Variants in ITIH5 observed in about 807,000 individuals in gnomAD.
ITIH5 encodes inter-alpha-trypsin inhibitor heavy chain 5.
ITIH5 carries 65 observed loss-of-function variants against 77.5 expected under a neutral mutation model. The ratio of observed to expected loss-of-function variants is 0.84; its 90% CI spans 0.69 to 1.03. The LOEUF is 1.03. Ranked by LOEUF, ITIH5 falls within the 50% of genes least tolerant of loss-of-function variation. ITIH5 has a pLI of 0.00. For missense variants in ITIH5, 1,208 were observed against 1,213.1 expected, an observed-to-expected ratio of 1.00 and a Z score of 0.06; for synonymous variants, 525 against 494.3, an observed-to-expected ratio of 1.06 and a Z score of -0.82.
rs768688712 is a variant in ITIH5, at chr10:7,566,260, T to C, written c.2297A>G (p.Asp766Gly). 3.7e-6 allele frequency: 6 copies of C among 1,613,268 alleles called. No homozygotes were observed. The highest frequency in any genetic ancestry group is 8.5e-7 in the Non-Finnish European group (1 of 1,179,702). Reference protein sequence around the residue: ...LEITPSRVILDGGDRLVLPCN... With the variant: ...LEITPSRVILGGGDRLVLPCN... ...GGGGAGCACCAGTCTGTCCCCACCATCCAAGATGACTCTGCTCGGTGTGAT... is the reference window on the plus strand; with the variant it reads ...GGGGAGCACCAGTCTGTCCCCACCACCCAAGATGACTCTGCTCGGTGTGAT... The change falls in exon 13 of 14, where the codon GAT becomes GGT. Residue 766 changes from aspartate to glycine, a missense_variant. By Grantham distance (94) the Asp-to-Gly change is moderately conservative. Coordinates refer to ENST00000397146, the MANE Select transcript of ITIH5 (RefSeq NM_030569.7).
intron 10 of ITIH5, among the ~76,000 whole-genome samples, chr10:7,575,830 C>T (rs901029018): frequency 2.6e-5 from 4 of 152,278 alleles, no homozygotes; most frequent in South Asian, 2.1e-4. Flanking sequence ...TCAGTGCTTC[C>T]GCCCATGCCT....
chr10:7,589,716 G>A (rs543658972), intron 7 of ITIH5, among the ~76,000 whole-genome samples: 21 of 151,836 alleles, frequency 1.4e-4, no homozygotes, highest in Admixed American at 6.6e-4. Flanking sequence ...GCGGTTTCCC[G>A]TCCTCTCCCA....
Position 7,573,209 on chromosome 10 carries a change from G to A in ITIH5, c.1979-14C>T, listed in dbSNP as rs372985908. On this transcript the variant is annotated splice_polypyrimidine_tract_variant and intron_variant, in intron 10 of 13. Coordinates refer to ENST00000397146, the MANE Select transcript of ITIH5 (RefSeq NM_030569.7). ...TGAGCAAAGGTCCTAAAAGGGAGAA[G>A]GAAGAGAACATCATGGTCATTCCTT... 8 of 1,608,194 alleles carry A rather than the reference G, an allele frequency of 5.0e-6. No individual in the cohort carries two copies. The highest frequency in any genetic ancestry group is 6.8e-6 in the Non-Finnish European group (8 of 1,174,778).
chr10:7,637,036 G>A lies in ITIH5; in HGVS notation c.652+192C>T, dbSNP rs191884610. 5.8e-3 allele frequency among the ~76,000 whole-genome samples: 882 copies of A among 152,144 alleles called. 7 individuals are homozygous for A. The highest frequency in any genetic ancestry group is 0.02 in the African/African-American group (832 of 41,488). On this transcript the variant is annotated intron_variant, in intron 5 of 13. Transcript: ENST00000397146. ...ACTGCACTCTAGCCTGGCGACAGAG[G>A]ACTTCGTCTCAAAAAAAAAGAAAAA...
At chr10:7,610,347 G>C (rs1833219610) in intron 7 of ITIH5, among the ~76,000 whole-genome samples, 1 of 152,084 alleles carries the variant, frequency 6.6e-6, no homozygotes, top group East Asian at 1.9e-4. Context: ...ACACAGCTTT[G>C]GGGGCTCCCC....
At chr10:7,644,564 A>G (rs573998494) in intron 2 of ITIH5, among the ~76,000 whole-genome samples, 46 of 135,768 alleles carry the variant, frequency 3.4e-4, no homozygotes, top group East Asian at 1.9e-3. Context: ...TCACATATAT[A>G]TGATATATAT....
intron 7 of ITIH5, among the ~76,000 whole-genome samples, chr10:7,589,141 C>T (rs1227970692): frequency 2.0e-5 from 3 of 152,306 alleles, no homozygotes; most frequent in East Asian, 3.9e-4. Context: ...CTAATGTATC[C>T]ATCTCCTGTA....
intron 7 of ITIH5, among the ~76,000 whole-genome samples, chr10:7,589,769 G>T (rs1832755911): frequency 6.6e-6 from 1 of 151,892 alleles, no homozygotes; most frequent in South Asian, 2.1e-4. Flanking sequence ...AGTATCCCAT[G>T]CAAATAAACA....
rs1345819874 is a variant in ITIH5 at position 7,559,809 on chromosome 10, G to A, written c.*3274C>T. Reference sequence around the variant, plus strand: ...GGCCATCTTCTCATCGTATCCCCAGGTGGTGGAGAGGAAAAACACCATCTC... The same window carrying A: ...GGCCATCTTCTCATCGTATCCCCAGATGGTGGAGAGGAAAAACACCATCTC... On this transcript the variant is annotated 3_prime_UTR_variant, in exon 14 of 14. Coordinates refer to ENST00000397146, the MANE Select transcript of ITIH5 (RefSeq NM_030569.7). 2.2e-6 allele frequency: 1 copy of A among 455,706 alleles called. No individual in the cohort carries two copies. The highest frequency in any genetic ancestry group is 4.4e-6 in the Non-Finnish European group (1 of 226,706). 28.2% of individuals were successfully genotyped at this position (455,706 alleles called of 1,614,324 possible). A position where few individuals can be genotyped will look rare whatever the true frequency, so the allele number is the denominator to read the frequency against.
Position 7,637,475 on chromosome 10 carries a change from C to T in ITIH5, c.405G>A (p.Glu135=), listed in dbSNP as rs749252937. The T allele has an allele frequency of 4.3e-6, 7 of 1,613,502 alleles. No individual in the cohort carries two copies. Among genetic ancestry groups the T allele is most frequent in the Non-Finnish European group, 5.9e-6 (7 of 1,179,922 alleles). The change falls in exon 5 of 14, where the codon GAG becomes GAA. Residue 135 remains glutamate, a synonymous_variant. Coordinates refer to ENST00000397146, the MANE Select transcript of ITIH5 (RefSeq NM_030569.7). ...KRNKTTEENG[E]KGTEIFRASA... ...AAGCTCTGAATATTTCAGTCCCCTT[C>T]TCTCTGTCAGGAAAAAGGAAAAGGA...
chr10:7,624,329 G>C (rs1399446291), intron 5 of ITIH5, among the ~76,000 whole-genome samples: 1 of 151,492 alleles, frequency 6.6e-6, no homozygotes, highest in Non-Finnish European at 1.5e-5. Flanking sequence ...CCAACATGGA[G>C]AAACCCCGTC....
In ITIH5 at chr10:7,573,976, C is replaced by T. The variant is rs369945193; in HGVS notation, c.1979-781G>A. On this transcript the variant is annotated intron_variant, in intron 10 of 13. Transcript: ENST00000397146. ...CATCGCTTACCAGCATTGAACTGTA[C>T]GCTTAAAAATGGGTAAGGTGGTAAA... Among the ~76,000 whole-genome samples, 673 of 152,040 alleles carry T rather than the reference C, an allele frequency of 4.4e-3. 3 individuals are homozygous for T. The highest frequency in any genetic ancestry group is 0.011 in the African/African-American group (445 of 41,460).
At chr10:7,604,355 C>G (rs895505205) in intron 7 of ITIH5, among the ~76,000 whole-genome samples, 4 of 152,186 alleles carry the variant, frequency 2.6e-5, no homozygotes, top group Non-Finnish European at 5.9e-5. Flanking sequence ...CCCCCCACCT[C>G]AGAGCGCCCA....
At chr10:7,650,418 C>A (rs1337601153) in intron 2 of ITIH5, among the ~76,000 whole-genome samples, 2 of 152,108 alleles carry the variant, frequency 1.3e-5, no homozygotes, top group Non-Finnish European at 2.9e-5. Flanking sequence ...CTCTACTAAC[C>A]CTTAATGCTT....
At chr10:7,571,022 T>A (rs1319523049) in intron 11 of ITIH5, among the ~76,000 whole-genome samples, 1 of 152,170 alleles carries the variant, frequency 6.6e-6, no homozygotes, top group Non-Finnish European at 1.5e-5. Flanking sequence ...AGTCCACTCT[T>A]TTTAAGCTGC....
chr10:7,629,049 G>A (rs1444271935), intron 5 of ITIH5, among the ~76,000 whole-genome samples: 38 of 132,372 alleles, frequency 2.9e-4, no homozygotes, highest in East Asian at 1.1e-3. Context: ...TGTAGCGTGT[G>A]TCCATGTTGT....
intron 7 of ITIH5, among the ~76,000 whole-genome samples, chr10:7,589,712 TC>T (rs1265994829): frequency 1.3e-5 from 2 of 151,864 alleles, no homozygotes; most frequent in African/African-American, 2.4e-5. Flanking sequence ...TGCAGCGGTT[TC>T]CCGTCCTCTC....
At chr10:7,577,420 T>C (rs1832448026) in intron 9 of ITIH5, among the ~76,000 whole-genome samples, 1 of 152,198 alleles carries the variant, frequency 6.6e-6, no homozygotes, top group Non-Finnish European at 1.5e-5. Context: ...GCCCAGTCAA[T>C]CCCCAGTTTC....
At chr10:7,594,600 C>A (rs915215056) in intron 7 of ITIH5, among the ~76,000 whole-genome samples, 1 of 147,574 alleles carries the variant, frequency 6.8e-6, no homozygotes, top group African/African-American at 2.5e-5. Context: ...AATCAGGGTA[C>A]AGGCCTGATT....
Sources: allele counts gnomAD v4.1 joint callset (sites outside exome capture counted in the v4.1 genomes callset), GRCh38; gene constraint gnomAD v4.1.1; transcripts MANE v1.5; gene names NCBI Gene and HGNC (gene_info 2026-07-23, HGNC 2026-07-21).